The following ASNS variants were observed in gnomAD, a reference collection of about 807,000 sequenced individuals.
The protein encoded by ASNS is asparagine synthetase (glutamine-hydrolyzing).
Under a neutral mutation model 62.6 loss-of-function variants are expected in ASNS, and 37 were observed. The ratio of observed to expected loss-of-function variants is 0.59; its 90% CI spans 0.45 to 0.78. The LOEUF (loss-of-function observed/expected upper bound fraction) is 0.78. Ranked by LOEUF, ASNS falls within the 30% of genes least tolerant of loss-of-function variation. The probability of loss-of-function intolerance (pLI) is 0.00; values close to 1 mark genes in which losing one functional copy is unlikely to be tolerated. For missense variants in ASNS, 520 were observed against 682.4 expected, an observed-to-expected ratio of 0.76 and a Z score of 2.65; for synonymous variants, 207 against 237.9, an observed-to-expected ratio of 0.87 and a Z score of 1.19.
chr7:97,886,085 G>C, the ASNS span: 9 of 484,890 alleles, frequency 1.9e-5, no homozygotes, highest in South Asian at 2.0e-4. Context: ...TAAGGATAGA[G>C]GGGAGGCCTC....
At chr7:97,859,111 A>G (rs1242385542) in intron 5 of ASNS, 102 bp downstream of exon 5, 13 of 1,466,932 alleles carry the variant, frequency 8.9e-6, no homozygotes, top group Admixed American at 2.2e-5. Context: ...CAAAATAGGA[A>G]GTAGGTCTTG....
At position 97,870,286 on chromosome 7, in the gene ASNS, C is replaced by T. The variant is rs184355961; in HGVS notation, c.-59-473G>A. The stretch of plus-strand genomic sequence containing the variant: ...TCCGTTTTGAGAATGTCAATGGATA[C>T]ACCAAAAACAAGATGTTTTAATTAA... On this transcript the variant is annotated intron_variant, in intron 1 of 12. Coordinates refer to ENST00000394308, the MANE Select transcript of ASNS (RefSeq NM_001673.5). 2.2e-4 allele frequency: 129 copies of T among 575,934 alleles called. No homozygotes were observed. In the African/African-American group the frequency reaches 2.3e-3, roughly 10 times the overall value. The allele number at this position is 575,934 out of a possible 1,614,324, so 35.7% of individuals were successfully genotyped here.
chr7:97,918,664 A>T, the ASNS span, among the ~76,000 whole-genome samples: 28 of 152,242 alleles, frequency 1.8e-4, no homozygotes, highest in Admixed American at 2.0e-4. Flanking sequence ...CAGAGGAAAA[A>T]GGTGTGGACA....
intron 3 of ASNS, among the ~76,000 whole-genome samples, chr7:97,865,251 G>C (rs138538595): frequency 6.6e-6 from 1 of 152,200 alleles, no homozygotes; most frequent in Non-Finnish European, 1.5e-5. Context: ...ACCTGCATCA[G>C]CTGTTAAACA....
chr7:97,884,431 C>G, the ASNS span, among the ~76,000 whole-genome samples: 1 of 152,110 alleles, frequency 6.6e-6, no homozygotes, highest in Non-Finnish European at 1.5e-5. Context: ...CACCTGTAAT[C>G]CCAGCTACTC....
intron 4 of ASNS, among the ~76,000 whole-genome samples, chr7:97,859,714 A>C (rs10253639): frequency 0.37 from 55,500 of 151,922 alleles, 10,509 homozygotes; most frequent in East Asian, 0.56. Context: ...ATACTAAAGC[A>C]AATACACAAA....
rs539285385 is a variant in ASNS, at chr7:97,867,183, G to A, written c.249+1725C>T. Among the ~76,000 whole-genome samples the A allele has an allele frequency of 1.7e-4, 25 of 149,742 alleles. 1 individual carries two copies. Among genetic ancestry groups the A allele is most frequent in the African/African-American group, 5.1e-4 (21 of 41,390 alleles). On this transcript the variant is annotated intron_variant, in intron 3 of 12. Coordinates refer to ENST00000394308, the MANE Select transcript of ASNS (RefSeq NM_001673.5). Reference sequence around the variant, plus strand: ...CCTGATACTCCCCTGCAGGGAGAGGGCCTGCTCTTTGCCCCAGCCTTTACC... The same window carrying A: ...CCTGATACTCCCCTGCAGGGAGAGGACCTGCTCTTTGCCCCAGCCTTTACC...
chr7:97,917,095 CGGAA>C, the ASNS span, among the ~76,000 whole-genome samples: 1 of 151,834 alleles, frequency 6.6e-6, no homozygotes, highest in Non-Finnish European at 1.5e-5. Flanking sequence ...AACCCCCACA[CGGAA>C]CTCTCATACA....
chr7:97,914,863 A>T, the ASNS span, among the ~76,000 whole-genome samples: 1 of 152,158 alleles, frequency 6.6e-6, no homozygotes, highest in Admixed American at 6.6e-5. Context: ...TGGCTGGGGG[A>T]TACAGGTGGG....
the ASNS span, among the ~76,000 whole-genome samples, chr7:97,905,686 T>TC: frequency 6.6e-6 from 1 of 152,048 alleles, no homozygotes; most frequent in Non-Finnish European, 1.5e-5. Flanking sequence ...AGGAGAAGCA[T>TC]CCTTCTCCTT....
intron 3 of ASNS, 128 bp downstream of exon 3, chr7:97,868,780 A>G (rs1792102682): frequency 7.4e-7 from 1 of 1,355,288 alleles, no homozygotes; most frequent in Admixed American, 2.0e-5. Flanking sequence ...ACATACTTAG[A>G]GCAAATGAGA....
the ASNS span, among the ~76,000 whole-genome samples, chr7:97,889,119 T>A: frequency 6.6e-6 from 1 of 152,006 alleles, no homozygotes; most frequent in Non-Finnish European, 1.5e-5. Context: ...CTGCCCACAG[T>A]CCCTAGTATT....
chr7:97,889,925 T>TAAAA, the ASNS span, among the ~76,000 whole-genome samples: 2 of 7,312 alleles, frequency 2.7e-4, no homozygotes, highest in Non-Finnish European at 5.5e-4. Flanking sequence ...AGATAATGAA[T>TAAAA]ACAAAAAAAA....
chr7:97,928,197 A>G, the ASNS span: 1 of 1,528,042 alleles, frequency 6.5e-7, no homozygotes. Flanking sequence ...CAAGAGCCGC[A>G]GCCTCTTCTC....
intron 2 of ASNS, among the ~76,000 whole-genome samples, 190 bp from the exon 3 acceptor site, chr7:97,869,369 C>T (rs1178457539): frequency 3.9e-5 from 6 of 152,144 alleles, no homozygotes; most frequent in African/African-American, 1.2e-4. Flanking sequence ...TACAGGTATT[C>T]GGAAAAGATA....
Position 97,864,355 on chromosome 7 carries a change from T to C in ASNS, c.391A>G (p.Lys131Glu). 6.2e-7 allele frequency: 1 copy of C among 1,613,894 alleles called. No homozygotes were observed. The highest frequency in any genetic ancestry group is 1.1e-5 in the South Asian group (1 of 91,080). Residue 131 changes from lysine to glutamate, a missense_variant, in exon 4 of 13, where the codon AAG (lysine) becomes GAG (glutamate). Coordinates refer to ENST00000394308, the MANE Select transcript of ASNS (RefSeq NM_001673.5). ...FAFVLLDTAN[K>E]KVFLGRDTYG... ...GTATCTCTACCCAGGAACACTTTCT[T>C]ATTGGCAGTATCCAGTAAAACAAAT...
chr7:97,885,429 C>T, the ASNS span, among the ~76,000 whole-genome samples: 1 of 152,200 alleles, frequency 6.6e-6, no homozygotes, highest in South Asian at 2.1e-4. Context: ...GGTCATAGAA[C>T]TCTGTGTTTA....
In ASNS at chr7:97,858,352, C is replaced by T. The variant is rs2070159; in HGVS notation, c.829G>A (p.Ala277Thr). Residue 277 changes from alanine to threonine, a missense_variant, in exon 7 of 13, where the codon GCC becomes ACC. Coordinates refer to ENST00000394308, the MANE Select transcript of ASNS (RefSeq NM_001673.5). ...GTCTGGAGAGGATACTGTACTTGGG[C>T]TTCTTTCAGCTGCTTCAACAGAGTG... ...AATLLKQLKE[A>T]QVQYPLQTFA... The T allele has an allele frequency of 1.8e-3, 2,891 of 1,614,120 alleles. 39 individuals are homozygous for T. The African/African-American group carries it at 0.032, about 18-fold the overall frequency.
At chr7:97,854,532 T>A in intron 10 of ASNS, 48 bp downstream of exon 10, 1 of 1,587,520 alleles carries the variant, frequency 6.3e-7, no homozygotes, top group Non-Finnish European at 8.5e-7. Flanking sequence ...TTGTTTTGTT[T>A]TTGGTGTTTT....
Sources: gnomAD v4.1 joint callset for allele counts (sites outside exome capture counted in the v4.1 genomes callset) on GRCh38, gnomAD v4.1.1 for gene constraint, MANE v1.5 for transcripts, NCBI Gene and HGNC (gene_info 2026-07-23, HGNC 2026-07-21) for gene names.